The following ROBO1 variants were observed in gnomAD, a reference collection of about 807,000 sequenced individuals.
ROBO1 encodes roundabout homolog 1.
Under a neutral mutation model 195.9 loss-of-function variants are expected in ROBO1, and 149 were observed. That is an observed-to-expected ratio of 0.76 (90% CI 0.67 to 0.87). The LOEUF (loss-of-function observed/expected upper bound fraction) is 0.87. Ranked by LOEUF, ROBO1 falls within the 40% of genes least tolerant of loss-of-function variation. The probability of loss-of-function intolerance (pLI) is 0.00; values close to 1 mark genes in which losing one functional copy is unlikely to be tolerated. For missense variants in ROBO1, 1,933 were observed against 2,068.3 expected (o/e 0.93, Z 1.27); for synonymous variants, 816 against 733.2 (o/e 1.11, Z -1.82).
intron 2 of ROBO1, among the ~76,000 whole-genome samples, chr3:79,327,736 C>T (rs1009754697): frequency 5.6e-5 from 7 of 124,816 alleles, no homozygotes; most frequent in East Asian, 2.6e-4. Flanking sequence ...AGTAGAAGCC[C>T]GTGATCCATT....
chr3:79,715,750 C>A (rs989403600), intron 1 of ROBO1, among the ~76,000 whole-genome samples: 3 of 151,910 alleles, frequency 2.0e-5, no homozygotes, highest in African/African-American at 7.3e-5. Flanking sequence ...TTTTATTTTT[C>A]CTTGATCATA....
chr3:79,079,751 A>G (rs1267863022), intron 3 of ROBO1, among the ~76,000 whole-genome samples: 2 of 151,866 alleles, frequency 1.3e-5, no homozygotes, highest in East Asian at 3.9e-4. Flanking sequence ...TCCACACCAT[A>G]AGACAGGGTG....
chr3:78,944,799 G>A (rs533314447), intron 3 of ROBO1, among the ~76,000 whole-genome samples: 8 of 152,268 alleles, frequency 5.3e-5, no homozygotes, highest in East Asian at 1.9e-4. Context: ...CTGGAAAATC[G>A]GGTCACTCCC....
chr3:79,223,407 G>A (rs1022925200), intron 2 of ROBO1, among the ~76,000 whole-genome samples: 3 of 151,650 alleles, frequency 2.0e-5, no homozygotes, highest in Admixed American at 6.6e-5. Flanking sequence ...TATATTATTC[G>A]AGTAAAAGCT....
intron 2 of ROBO1, among the ~76,000 whole-genome samples, chr3:79,525,518 T>A (rs1941391371): frequency 6.8e-6 from 1 of 147,454 alleles, no homozygotes; most frequent in Admixed American, 6.8e-5. Flanking sequence ...AACATTTATT[T>A]TTTCATCAAT....
In ROBO1 at chr3:79,370,890, T is replaced by C. The variant is rs149454870; in HGVS notation, c.88+218934A>G. ...TGTGATGTTCCCCTCCCTGTGTCCA[T>C]GTGTTGTCACTGTTCAACTCCCACT... On this transcript the variant is annotated intron_variant, in intron 2 of 30. Transcript: ENST00000464233. Among the ~76,000 whole-genome samples the C allele has an allele frequency of 9.9e-3, 1,503 of 151,650 alleles. 7 individuals are homozygous for C. Among genetic ancestry groups the C allele is most frequent in the Non-Finnish European group, 0.015 (1,049 of 67,932 alleles).
At chr3:79,243,759 A>T (rs2082568845) in intron 2 of ROBO1, among the ~76,000 whole-genome samples, 1 of 151,854 alleles carries the variant, frequency 6.6e-6, no homozygotes, top group Non-Finnish European at 1.5e-5. Context: ...GATTGCAAAA[A>T]TTTTCTCCCA....
intron 4 of ROBO1, among the ~76,000 whole-genome samples, chr3:78,915,263 T>C (rs1012746975): frequency 3.3e-5 from 5 of 152,158 alleles, no homozygotes; most frequent in African/African-American, 9.7e-5. Context: ...ATCAAGAATG[T>C]TCAAAAAGAG....
At chr3:79,189,439 G>C (rs1440053836) in intron 2 of ROBO1, among the ~76,000 whole-genome samples, 2 of 151,734 alleles carry the variant, frequency 1.3e-5, no homozygotes. Flanking sequence ...CTAAGTCCAT[G>C]TTATGTTTGT....
intron 9 of ROBO1, among the ~76,000 whole-genome samples, chr3:78,686,672 C>T (rs571018306): frequency 3.0e-4 from 46 of 151,968 alleles, no homozygotes; most frequent in African/African-American, 1.1e-3. Context: ...AATATTAAGA[C>T]CTTTAATATA....
At chr3:79,186,474 A>ATC (rs2081441124) in intron 2 of ROBO1, among the ~76,000 whole-genome samples, 1 of 151,992 alleles carries the variant, frequency 6.6e-6, no homozygotes, top group Admixed American at 6.6e-5. Context: ...CAATATGTCC[A>ATC]TCTTCACTAT....
At chr3:78,958,759 A>G (rs892854016) in intron 3 of ROBO1, among the ~76,000 whole-genome samples, 1 of 152,038 alleles carries the variant, frequency 6.6e-6, no homozygotes, top group Non-Finnish European at 1.5e-5. Context: ...CAGTTTTAAT[A>G]ATTAAAGTTA....
At chr3:79,105,443 A>T (rs1483593031) in intron 3 of ROBO1, among the ~76,000 whole-genome samples, 1 of 151,706 alleles carries the variant, frequency 6.6e-6, no homozygotes, top group Non-Finnish European at 1.5e-5. Flanking sequence ...AGTCTGATGA[A>T]CTACTGATGG....
At chr3:79,700,602 T>A (rs1439061695) in intron 1 of ROBO1, among the ~76,000 whole-genome samples, 2 of 151,790 alleles carry the variant, frequency 1.3e-5, no homozygotes, top group Admixed American at 1.3e-4. Flanking sequence ...TTATTGTGGT[T>A]TTGATTTGTA....
intron 2 of ROBO1, among the ~76,000 whole-genome samples, chr3:79,480,096 T>A (rs1251024363): frequency 1.3e-5 from 2 of 152,198 alleles, no homozygotes; most frequent in East Asian, 3.8e-4. Flanking sequence ...AAATTACAAC[T>A]GATCTTCATA....
intron 3 of ROBO1, among the ~76,000 whole-genome samples, chr3:78,965,693 G>T (rs373976263): frequency 8.5e-4 from 129 of 151,302 alleles, no homozygotes; most frequent in African/African-American, 3.0e-3. Context: ...CTTTTATAAA[G>T]AAAATGTCTG....
chr3:79,428,693 C>T (rs1312325161), intron 2 of ROBO1, among the ~76,000 whole-genome samples: 1 of 152,086 alleles, frequency 6.6e-6, no homozygotes, highest in East Asian at 1.9e-4. Context: ...CAGCTTTATT[C>T]ATAATCACCT....
chr3:79,202,433 G>A (rs1267826219), intron 2 of ROBO1, among the ~76,000 whole-genome samples: 1 of 151,958 alleles, frequency 6.6e-6, no homozygotes, highest in Non-Finnish European at 1.5e-5. Context: ...ATCAATGAAT[G>A]AGAAAAATTC....
At chr3:78,641,327 A>G (rs1312033016) in intron 21 of ROBO1, among the ~76,000 whole-genome samples, 1 of 152,162 alleles carries the variant, frequency 6.6e-6, no homozygotes, top group Non-Finnish European at 1.5e-5. Context: ...ACACTCTAAG[A>G]TTTTATAAAC....
Sources: allele counts gnomAD v4.1 joint callset (sites outside exome capture counted in the v4.1 genomes callset), GRCh38; gene constraint gnomAD v4.1.1; transcripts MANE v1.5; gene names NCBI Gene and HGNC (gene_info 2026-07-23, HGNC 2026-07-21).